HAPSTR1: variants seen among roughly 807,000 people sequenced by gnomAD.
HAPSTR1 encodes HUWE1 associated protein modifying stress responses, also known as HUWE1-associated protein modifying stress responses 1.
the HAPSTR1 span, chr16:9,111,347 C>G: frequency 2.0e-5 from 3 of 152,222 alleles, no homozygotes; most frequent in African/African-American, 7.2e-5. Flanking sequence ...AAAGCAGTCT[C>G]TTAATTACTT....
At chr16:9,113,434 C>T in the HAPSTR1 span, among the ~76,000 whole-genome samples, 1 of 152,140 alleles carries the variant, frequency 6.6e-6, no homozygotes, top group Non-Finnish European at 1.5e-5. Context: ...TGGAGAATGG[C>T]AGCTGAAACA....
the HAPSTR1 span, chr16:9,092,859 T>C: frequency 7.0e-7 from 1 of 1,436,446 alleles, no homozygotes; most frequent in Non-Finnish European, 9.5e-7. Flanking sequence ...TCTCTTTCTT[T>C]CTCTTTCTAT....
the HAPSTR1 span, chr16:9,092,129 C>T: frequency 2.6e-6 from 4 of 1,553,172 alleles, no homozygotes; most frequent in South Asian, 3.6e-5. Context: ...GCGGCAGTGC[C>T]TGGCCGAGGC....
chr16:9,107,561 C>G, the HAPSTR1 span: 4 of 152,248 alleles, frequency 2.6e-5, no homozygotes, highest in African/African-American at 7.2e-5. Flanking sequence ...CTTGTCACTT[C>G]ATGGTTTAAA....
chr16:9,103,287 GA>G, the HAPSTR1 span: 4 of 1,595,844 alleles, frequency 2.5e-6, no homozygotes, highest in Non-Finnish European at 2.6e-6. Flanking sequence ...TATTTCTTTG[GA>G]AAAATGGTTA....
At chr16:9,095,286 G>T in the HAPSTR1 span, among the ~76,000 whole-genome samples, 1 of 152,210 alleles carries the variant, frequency 6.6e-6, no homozygotes, top group South Asian at 2.1e-4. Context: ...TCAGGGTGTG[G>T]TCTTTAGAGA....
At chr16:9,117,735 G>A in the HAPSTR1 span, 1 of 152,458 alleles carries the variant, frequency 6.6e-6, no homozygotes, top group Non-Finnish European at 1.5e-5. Context: ...GAGAGGTCAT[G>A]AACTTTGAGA....
At chr16:9,116,963 C>T in the HAPSTR1 span, 4 of 1,600,142 alleles carry the variant, frequency 2.5e-6, no homozygotes, top group Admixed American at 3.4e-5. Flanking sequence ...ACTTGATCCT[C>T]AACATATACT....
chr16:9,113,037 GTTTTTT>G, the HAPSTR1 span: 1 of 116,448 alleles, frequency 8.6e-6, no homozygotes, highest in South Asian at 2.8e-4. Context: ...GTTTTTTTTT[GTTTTTT>G]TTTTAGTTCT....
the HAPSTR1 span, chr16:9,092,948 C>T: frequency 1.3e-6 from 2 of 1,597,104 alleles, no homozygotes; most frequent in Non-Finnish European, 1.7e-6. Context: ...CCAGGACTTT[C>T]TCTCTGGGTC....
chr16:9,094,444 A>C, the HAPSTR1 span, among the ~76,000 whole-genome samples: 1 of 152,154 alleles, frequency 6.6e-6, no homozygotes, highest in East Asian at 1.9e-4. Flanking sequence ...CTGGGAGTGT[A>C]ATTTACATAC....
At chr16:9,093,047 G>A in the HAPSTR1 span, 56 of 1,539,104 alleles carry the variant, frequency 3.6e-5, no homozygotes, top group Non-Finnish European at 2.0e-5. Context: ...AGGGCCGCCT[G>A]CGTCAGGGTG....
At chr16:9,101,650 C>G in the HAPSTR1 span, among the ~76,000 whole-genome samples, 29 of 151,708 alleles carry the variant, frequency 1.9e-4, no homozygotes, top group Non-Finnish European at 4.0e-4. Flanking sequence ...TAAGAGTAGG[C>G]CTTATTATAA....
At chr16:9,105,238 C>G in the HAPSTR1 span, 2 of 152,278 alleles carry the variant, frequency 1.3e-5, no homozygotes, top group Admixed American at 1.3e-4. Flanking sequence ...GGCTTTAAAA[C>G]TTAAATATAA....
chr16:9,097,330 C>T, the HAPSTR1 span, among the ~76,000 whole-genome samples: 1 of 151,590 alleles, frequency 6.6e-6, no homozygotes, highest in African/African-American at 2.4e-5. Flanking sequence ...GTAACCTCCA[C>T]CTTCCAGGCT....
At chr16:9,115,554 T>C in the HAPSTR1 span, among the ~76,000 whole-genome samples, 2 of 152,206 alleles carry the variant, frequency 1.3e-5, no homozygotes, top group Admixed American at 6.5e-5. Context: ...TTTGGCTCTT[T>C]AACTGTGTAA....
At chr16:9,113,707 A>G in the HAPSTR1 span, among the ~76,000 whole-genome samples, 2 of 152,230 alleles carry the variant, frequency 1.3e-5, no homozygotes, top group Non-Finnish European at 2.9e-5. Context: ...CAAGTACGAA[A>G]GGTTATCTTT....
At chr16:9,121,475 T>TA in the HAPSTR1 span, 1 of 152,240 alleles carries the variant, frequency 6.6e-6, no homozygotes, top group African/African-American at 2.4e-5. Flanking sequence ...ATCTGTTTTT[T>TA]ACCTGCTCGT....
At chr16:9,095,142 G>A in the HAPSTR1 span, among the ~76,000 whole-genome samples, 1 of 152,290 alleles carries the variant, frequency 6.6e-6, no homozygotes, top group South Asian at 2.1e-4. Flanking sequence ...CCTTGTTTCT[G>A]TACAGTGAAA....
Sources: allele counts gnomAD v4.1 joint callset (sites outside exome capture counted in the v4.1 genomes callset), GRCh38; gene constraint gnomAD v4.1.1; transcripts MANE v1.5; gene names NCBI Gene and HGNC (gene_info 2026-07-23, HGNC 2026-07-21).